The following FRYL variants were observed in gnomAD, a reference collection of about 807,000 sequenced individuals.
The protein encoded by FRYL is FRY like transcription coactivator.
A neutral mutation model predicts 351.2 loss-of-function variants in FRYL; 150 were observed. That is an observed-to-expected ratio of 0.43 (90% CI 0.37 to 0.49). The LOEUF (loss-of-function observed/expected upper bound fraction) is 0.49, where lower values mean the gene tolerates loss of function less well. FRYL is among the 20% of genes least tolerant of loss of function. The pLI is 0.00. For synonymous variants in FRYL, 1,153 were observed against 1,257.1 expected (o/e 0.92, Z 1.75); for missense variants, 3,036 against 3,619.3 (o/e 0.84, Z 4.13).
intron 4 of FRYL, among the ~76,000 whole-genome samples, chr4:48,629,778 C>A (rs1752599147): frequency 6.6e-6 from 1 of 151,924 alleles, no homozygotes; most frequent in Non-Finnish European, 1.5e-5. Context: ...TAGAACTTCC[C>A]AGAAGGCTCA....
At chr4:48,622,302 G>A (rs1750811866) in intron 5 of FRYL, among the ~76,000 whole-genome samples, 1 of 152,106 alleles carries the variant, frequency 6.6e-6, no homozygotes, top group Non-Finnish European at 1.5e-5. Flanking sequence ...ACTGTATAAG[G>A]TGATCTTATT....
In FRYL at chr4:48,563,110, C is replaced by G. The variant is rs146862658; in HGVS notation, c.3597-122G>C. 545 of 613,384 alleles carry G rather than the reference C, an allele frequency of 8.9e-4. 3 individuals are homozygous for G. The highest frequency in any genetic ancestry group is 8.7e-3 in the African/African-American group (467 of 53,806). 38.0% of individuals were successfully genotyped at this position (613,384 alleles called of 1,614,324 possible). On this transcript the variant is annotated intron_variant, in intron 31 of 63. Coordinates refer to ENST00000358350, the MANE Select transcript of FRYL (RefSeq NM_015030.2). ...TCTATCTTCTAAGCCTATGAGGAGACTTGGTTTTTTCAAGGCAATAGGTAC... is the reference window on the plus strand; with the variant it reads ...TCTATCTTCTAAGCCTATGAGGAGAGTTGGTTTTTTCAAGGCAATAGGTAC...
intron 58 of FRYL, 105 bp from the exon 59 acceptor site, chr4:48,510,262 T>A: frequency 1.2e-6 from 1 of 809,224 alleles, no homozygotes; most frequent in Non-Finnish European, 2.1e-6. Context: ...TAGTTGGTTT[T>A]TGGATATTCT....
At chr4:48,732,225 GAT>G (rs1454874893) in intron 1 of FRYL, among the ~76,000 whole-genome samples, 2 of 152,176 alleles carry the variant, frequency 1.3e-5, no homozygotes, top group Non-Finnish European at 2.9e-5. Context: ...ACCACAATGA[GAT>G]ACTATCTCAC....
intron 2 of FRYL, among the ~76,000 whole-genome samples, chr4:48,697,722 AC>A (rs1766332839): frequency 6.6e-6 from 1 of 152,094 alleles, no homozygotes; most frequent in Non-Finnish European, 1.5e-5. Context: ...CAGGTGATCC[AC>A]CCGCATGGGC....
chr4:48,724,356 C>T (rs1156494502), intron 1 of FRYL, among the ~76,000 whole-genome samples: 1 of 152,088 alleles, frequency 6.6e-6, no homozygotes, highest in South Asian at 2.1e-4. Context: ...TTGCTAACCC[C>T]TCTGCCTGGA....
chr4:48,576,284 T>C, intron 23 of FRYL, 62 bp from the exon 24 acceptor site: 1 of 1,259,590 alleles, frequency 7.9e-7, no homozygotes, highest in Non-Finnish European at 1.1e-6. Context: ...TAAAAGTTTA[T>C]TTTAACTAAT....
At chr4:48,613,485 T>C in intron 7 of FRYL, among the ~76,000 whole-genome samples, 1 of 152,240 alleles carries the variant, frequency 6.6e-6, no homozygotes, top group East Asian at 1.9e-4. Flanking sequence ...TCAGCCATGC[T>C]ATGTGCTCTT....
At position 48,595,935 on chromosome 4, in the gene FRYL, T is replaced by C. The variant is rs770232962; in HGVS notation, c.1101A>G (p.Val367=). ...TGTTGCTTTCACATTTTATTCTAAT[T>C]ACATAAACCCACAATAATCTATACA... is the stretch of plus-strand genomic sequence containing the variant. ...ESLYRLLWVY[V]IRIKCESNTV... The change falls in exon 14 of 64, where the codon GTA becomes GTG. Residue 367 remains valine, a synonymous_variant. Transcript: ENST00000358350. The C allele has an allele frequency of 1.2e-6, 2 of 1,604,594 alleles. No homozygotes were observed. The highest frequency in any genetic ancestry group is 1.7e-6 in the Non-Finnish European group (2 of 1,176,398).
intron 1 of FRYL, among the ~76,000 whole-genome samples, chr4:48,748,794 G>T (rs1772945644): frequency 6.6e-6 from 1 of 152,208 alleles, no homozygotes; most frequent in South Asian, 2.1e-4. Context: ...TAAGTAGATT[G>T]CGAAGCTATC....
intron 1 of FRYL, among the ~76,000 whole-genome samples, chr4:48,746,421 T>C (rs572921276): frequency 2.0e-5 from 3 of 151,812 alleles, no homozygotes; most frequent in Admixed American, 2.0e-4. Context: ...GGCGGGTGCC[T>C]GTATTCCCAG....
At position 48,534,602 on chromosome 4, in the gene FRYL, T is replaced by A. The variant is rs1451150342; in HGVS notation, c.6648A>T (p.Ala2216=). 6.2e-7 allele frequency: 1 copy of A among 1,611,306 alleles called. No homozygotes were observed. Among genetic ancestry groups the A allele is most frequent in the Non-Finnish European group, 8.5e-7 (1 of 1,177,658 alleles). Reference sequence around the variant, plus strand: ...CCAGATTAAACTGCTTGGCTGGGGCTGCAGACAGGTCAATATGACTCAATA... The same window carrying A: ...CCAGATTAAACTGCTTGGCTGGGGCAGCAGACAGGTCAATATGACTCAATA... ...YSLLSHIDLS[A]APAKQFNLEI... Residue 2216 remains alanine, a synonymous_variant, in exon 49 of 64, where the codon GCA becomes GCT. Transcript: ENST00000358350.
In FRYL at chr4:48,589,837, A is replaced by C; in HGVS notation, c.1548T>G (p.Asp516Glu). The part of the protein sequence containing the change: ...VYYPQVRKAL[D>E]SILRHLDKEV... ...CTTTGTCCAAATGTCTGAGGATGCTATCTAATGCTTTTCTTACTTGAGGAT... is the reference window on the plus strand; with the variant it reads ...CTTTGTCCAAATGTCTGAGGATGCTCTCTAATGCTTTTCTTACTTGAGGAT... The change falls in exon 18 of 64, where the codon GAT becomes GAG. Residue 516 changes from aspartate to glutamate, a missense_variant. By Grantham distance (45) the Asp-to-Glu change is conservative. Around this residue, in one of 7 missense-constraint regions of FRYL, gnomAD observed 78 missense variants for 106.6 expected, o/e 0.73. Transcript: ENST00000358350. The C allele has an allele frequency of 6.2e-7, 1 of 1,613,694 alleles. No homozygotes were observed. Among genetic ancestry groups the C allele is most frequent in the East Asian group, 2.2e-5 (1 of 44,852 alleles).
At chr4:48,715,678 C>T (rs1482476425) in intron 1 of FRYL, among the ~76,000 whole-genome samples, 1 of 151,920 alleles carries the variant, frequency 6.6e-6, no homozygotes, top group Non-Finnish European at 1.5e-5. Context: ...GAATCAATAT[C>T]GTGAAAATGG....
chr4:48,621,419 C>G (rs1378934744), intron 5 of FRYL, among the ~76,000 whole-genome samples: 2 of 152,254 alleles, frequency 1.3e-5, no homozygotes, highest in Middle Eastern at 3.4e-3. Context: ...GATCTGAATT[C>G]TAGGTAAACA....
chr4:48,526,909 C>T (rs748464595), intron 53 of FRYL, among the ~76,000 whole-genome samples: 22 of 152,044 alleles, frequency 1.4e-4, no homozygotes, highest in Non-Finnish European at 2.9e-4. Flanking sequence ...AAAGTGATTT[C>T]GAATGTCAAA....
rs1740907526 is a variant in FRYL at position 48,581,581 on chromosome 4, G to A, written c.2011C>T (p.His671Tyr). 6.2e-7 allele frequency: 1 copy of A among 1,611,556 alleles called. No homozygotes were observed. Among genetic ancestry groups the A allele is most frequent in the South Asian group, 1.1e-5 (1 of 90,490 alleles). The change falls in exon 21 of 64, where the codon CAT becomes TAT. Residue 671 changes from histidine (H) to tyrosine (Y), a missense_variant. Around this residue, in one of 7 missense-constraint regions of FRYL, gnomAD observed 492 missense variants for 551.5 expected, o/e 0.89. Transcript: ENST00000358350. Reference sequence around the variant, plus strand: ...GGGCTCCTTTCCAGAGGAGGGGGATGAGAAGCTCCATTAGCTACACCATGC... The same window carrying A: ...GGGCTCCTTTCCAGAGGAGGGGGATAAGAAGCTCCATTAGCTACACCATGC... ...TQHGVANGAS[H>Y]PPPLERSPYS...
At chr4:48,694,650 T>C (rs549329727) in intron 2 of FRYL, among the ~76,000 whole-genome samples, 2 of 152,350 alleles carry the variant, frequency 1.3e-5, no homozygotes, top group South Asian at 2.1e-4. Context: ...ATATGATATA[T>C]TGGAAATAAT....
chr4:48,569,987 C>T (rs559329594), intron 27 of FRYL, among the ~76,000 whole-genome samples: 2 of 151,994 alleles, frequency 1.3e-5, no homozygotes, highest in Admixed American at 6.6e-5. Context: ...TGATTGTTTG[C>T]GTTTTTTATA....
Sources: gnomAD v4.1 joint callset for allele counts (sites outside exome capture counted in the v4.1 genomes callset) on GRCh38, gnomAD v4.1.1 for gene constraint, gnomAD v4.1.1 regional missense constraint, MANE v1.5 for transcripts, NCBI Gene and HGNC (gene_info 2026-07-23, HGNC 2026-07-21) for gene names.